The following CELF2 variants were observed in gnomAD, a reference collection of about 807,000 sequenced individuals.
The protein encoded by CELF2 is CUGBP Elav-like family member 2.
Under a neutral mutation model 62.6 loss-of-function variants are expected in CELF2, and 8 were observed. That is an observed-to-expected ratio of 0.13 (90% CI 0.07 to 0.23). CELF2 has a LOEUF of 0.23. Ranked by LOEUF, CELF2 falls within the 10% of genes least tolerant of loss-of-function variation. The pLI is 1.00. For missense variants in CELF2, 333 were observed against 671.0 expected (o/e 0.50, Z 5.56); for synonymous variants, 258 against 250.0 (o/e 1.03, Z -0.30).
the CELF2 span, among the ~76,000 whole-genome samples, chr10:10,779,289 C>T: frequency 1.3e-5 from 2 of 152,336 alleles, no homozygotes; most frequent in East Asian, 1.9e-4. Flanking sequence ...CTAACACAGG[C>T]TTGTTCTGCA....
intron 1 of CELF2, among the ~76,000 whole-genome samples, chr10:10,871,114 G>T (rs558746654): frequency 1.3e-5 from 2 of 152,272 alleles, no homozygotes; most frequent in South Asian, 4.1e-4. Flanking sequence ...ATGTAGAGCC[G>T]GTTCGCAGTC....
chr10:11,051,442 C>T (rs2063901323), intron 1 of CELF2, among the ~76,000 whole-genome samples: 1 of 152,210 alleles, frequency 6.6e-6, no homozygotes, highest in Non-Finnish European at 1.5e-5. Flanking sequence ...GAGTTTGCCT[C>T]TCTTGCTCGT....
rs538711479 is a variant in CELF2, at chr10:11,165,268, C to G, written c.75-218C>G. ...TGCCCCGTGCTCCCCCGGCTCTGCT[C>G]GACAGCAGCACGCAGTGAGAGCCTC... On this transcript the variant is annotated intron_variant, in intron 1 of 12. Coordinates refer to ENST00000633077, the MANE Select transcript of CELF2 (RefSeq NM_001326342.2). The surrounding 1 kb of genome is among the most constrained non-coding windows in gnomAD (Gnocchi z 7.4). 1 of 1,383,672 alleles carries G rather than the reference C, an allele frequency of 7.2e-7. No individual in the cohort carries two copies. The highest frequency in any genetic ancestry group is 9.4e-7 in the Non-Finnish European group (1 of 1,068,860). The allele number at this position is 1,383,672 out of a possible 1,614,324, so 85.7% of individuals were successfully genotyped here.
the CELF2 span, among the ~76,000 whole-genome samples, chr10:10,497,763 C>G: frequency 6.6e-6 from 1 of 152,124 alleles, no homozygotes; most frequent in Admixed American, 6.5e-5. Flanking sequence ...GACGATGAAT[C>G]AGGACAAGAG....
intron 8 of CELF2, among the ~76,000 whole-genome samples, chr10:11,284,442 T>TGGTGGGTGGATGAGGGATGAGTGC (rs1565763063): frequency 9.8e-6 from 1 of 101,900 alleles, no homozygotes; most frequent in Middle Eastern, 6.1e-3. Flanking sequence ...TGGATGAGTG[T>TGGTGGGTGGATGAGGGATGAGTGC]GTGGTGGGTG....
At chr10:10,799,360 T>C (rs182799963) in intron 1 of CELF2, among the ~76,000 whole-genome samples, 110 of 152,224 alleles carry the variant, frequency 7.2e-4, no homozygotes, top group Non-Finnish European at 9.6e-4. Context: ...GGTGGGTGCC[T>C]GTAGTCCCTG....
At chr10:10,525,197 C>T in the CELF2 span, among the ~76,000 whole-genome samples, 4 of 152,158 alleles carry the variant, frequency 2.6e-5, no homozygotes, top group Non-Finnish European at 4.4e-5. Context: ...TTAATAACTG[C>T]AGTCACCACG....
rs2065465983 is a variant in CELF2 at position 11,223,344 on chromosome 10, G to A, written c.354+5837G>A. 6.6e-6 allele frequency among the ~76,000 whole-genome samples: 1 copy of A among 152,202 alleles called. No individual in the cohort carries two copies. Among genetic ancestry groups the A allele is most frequent in the South Asian group, 2.1e-4 (1 of 4,838 alleles). ...TGAACTCTCCTTGTGGAGCACCCCA[G>A]CATACAAACGTGTGGAACATACACG... On this transcript the variant is annotated intron_variant, in intron 3 of 12. Coordinates refer to ENST00000633077, the MANE Select transcript of CELF2 (RefSeq NM_001326342.2). This position sits in a 1 kb window ranked among gnomAD's most constrained non-coding sequence, Gnocchi z 5.1.
At chr10:10,480,505 A>G in the CELF2 span, among the ~76,000 whole-genome samples, 379 of 152,324 alleles carry the variant, frequency 2.5e-3, 1 homozygote, top group East Asian at 0.019. Flanking sequence ...CCAGAGTCCC[A>G]TGCACTGAAA....
the CELF2 span, among the ~76,000 whole-genome samples, chr10:10,469,057 A>G: frequency 6.6e-6 from 1 of 151,978 alleles, no homozygotes; most frequent in South Asian, 2.1e-4. Flanking sequence ...TGCATTTTTC[A>G]TGAACACTTT....
chr10:10,601,838 A>G, the CELF2 span, among the ~76,000 whole-genome samples: 1 of 151,968 alleles, frequency 6.6e-6, no homozygotes, highest in Non-Finnish European at 1.5e-5. Context: ...CAAATCACCC[A>G]GGTATTAAGC....
chr10:11,080,769 C>T (rs747451900), intron 1 of CELF2, among the ~76,000 whole-genome samples: 2 of 152,238 alleles, frequency 1.3e-5, no homozygotes, highest in Admixed American at 1.3e-4. Flanking sequence ...GGATGCTGGA[C>T]AGGCTTTGCT....
chr10:10,843,929 A>C (rs1018038087), intron 1 of CELF2, among the ~76,000 whole-genome samples: 2 of 151,960 alleles, frequency 1.3e-5, no homozygotes, highest in African/African-American at 4.8e-5. Context: ...ATATGAGAAA[A>C]CTTGTCTGAG....
intron 1 of CELF2, among the ~76,000 whole-genome samples, chr10:10,860,787 G>A (rs1001752588): frequency 2.0e-5 from 3 of 152,176 alleles, no homozygotes; most frequent in Non-Finnish European, 4.4e-5. Flanking sequence ...CTATGAGTTT[G>A]CCTTATTTGC....
chr10:10,780,459 G>A, the CELF2 span, among the ~76,000 whole-genome samples: 18 of 2,448 alleles, frequency 7.4e-3, no homozygotes, highest in Admixed American at 0.016. Context: ...GGAAACGTTT[G>A]TTTGTTTGTT....
intron 2 of CELF2, among the ~76,000 whole-genome samples, chr10:11,212,336 GC>G (rs1048328713): frequency 1.3e-5 from 2 of 151,898 alleles, no homozygotes; most frequent in Admixed American, 6.6e-5. Flanking sequence ...TCCCTGTGAG[GC>G]CCCCCCGGGC....
At chr10:10,716,913 T>C in the CELF2 span, among the ~76,000 whole-genome samples, 1 of 152,216 alleles carries the variant, frequency 6.6e-6, no homozygotes, top group Non-Finnish European at 1.5e-5. Context: ...ACATAACTAA[T>C]CAATACCAGT....
At chr10:10,580,885 G>T in the CELF2 span, among the ~76,000 whole-genome samples, 1 of 152,192 alleles carries the variant, frequency 6.6e-6, no homozygotes, top group African/African-American at 2.4e-5. Flanking sequence ...AAACTCTAAA[G>T]AAGCTAATAG....
chr10:10,921,109 C>A (rs533499282), intron 2 of CELF2, among the ~76,000 whole-genome samples: 13 of 150,254 alleles, frequency 8.7e-5, no homozygotes, highest in Admixed American at 4.0e-4. Context: ...AGACTGCCAC[C>A]ATGCCCGGCT....
Sources: gnomAD v4.1 joint callset for allele counts (sites outside exome capture counted in the v4.1 genomes callset) on GRCh38, gnomAD v4.1.1 for gene constraint, Gnocchi (gnomAD v3.1) non-coding constraint, MANE v1.5 for transcripts, NCBI Gene and HGNC (gene_info 2026-07-23, HGNC 2026-07-21) for gene names.